ESRRG: variants seen among roughly 807,000 people sequenced by gnomAD.
ESRRG encodes the protein estrogen related receptor gamma.
A neutral mutation model predicts 44.0 loss-of-function variants in ESRRG; 13 were observed. The observed-to-expected ratio is 0.30, with a 90% CI of 0.19 to 0.47. The LOEUF (loss-of-function observed/expected upper bound fraction) is 0.47, where lower values mean the gene tolerates loss of function less well. ESRRG is among the 20% of genes least tolerant of loss of function. The pLI, the probability that ESRRG is intolerant of heterozygous loss-of-function variation, is 1.00. For missense variants in ESRRG, 395 were observed against 580.6 expected, an observed-to-expected ratio of 0.68 and a Z score of 3.29; for synonymous variants, 215 against 214.6, an observed-to-expected ratio of 1.00 and a Z score of -0.02.
intron 3 of ESRRG, among the ~76,000 whole-genome samples, chr1:216,602,416 T>A (rs1046838798): frequency 3.3e-5 from 5 of 152,190 alleles, no homozygotes; most frequent in African/African-American, 1.2e-4. Context: ...ATACCAAGTA[T>A]AATCTGTTTC....
At chr1:216,961,360 C>A (rs550674291) in intron 1 of ESRRG, among the ~76,000 whole-genome samples, 1 of 152,048 alleles carries the variant, frequency 6.6e-6, no homozygotes, top group East Asian at 1.9e-4. Context: ...TTTGCCAGTG[C>A]AAAAATTACC....
intron 6 of ESRRG, among the ~76,000 whole-genome samples, chr1:216,510,712 C>T (rs891069804): frequency 1.6e-4 from 24 of 152,074 alleles, no homozygotes; most frequent in African/African-American, 5.8e-4. Context: ...CGTGAAACCC[C>T]GTCTCTACTA....
At chr1:216,721,060 T>G (rs10779278) in intron 1 of ESRRG, among the ~76,000 whole-genome samples, 29,866 of 152,232 alleles carry the variant, frequency 0.2, 3,842 homozygotes, top group Middle Eastern at 0.28. Flanking sequence ...AGATATATTA[T>G]TTTCATCTAT....
At chr1:216,736,889 T>A (rs964297057) in intron 2 of ESRRG, among the ~76,000 whole-genome samples, 1 of 152,176 alleles carries the variant, frequency 6.6e-6, no homozygotes, top group Non-Finnish European at 1.5e-5. Context: ...ATAGACCTGT[T>A]TCCCTCTAAA....
intron 3 of ESRRG, among the ~76,000 whole-genome samples, chr1:216,584,985 C>T (rs1156996752): frequency 6.6e-6 from 1 of 152,072 alleles, no homozygotes; most frequent in Non-Finnish European, 1.5e-5. Context: ...TCATTGCTAA[C>T]AAGAATGAAA....
intron 1 of ESRRG, among the ~76,000 whole-genome samples, chr1:216,721,939 C>T (rs2086409239): frequency 6.6e-6 from 1 of 152,130 alleles, no homozygotes; most frequent in Non-Finnish European, 1.5e-5. Context: ...CTCCTAAATC[C>T]ATCTCTTGGC....
At chr1:216,600,381 G>C (rs184096873) in intron 3 of ESRRG, among the ~76,000 whole-genome samples, 2 of 152,236 alleles carry the variant, frequency 1.3e-5, no homozygotes, top group Admixed American at 1.3e-4. Context: ...TTCATCGATT[G>C]TTAACAAATG....
Position 217,055,417 on chromosome 1 carries a change from C to T in ESRRG, c.-106+34090G>A, listed in dbSNP as rs985698718. 1.3e-4 allele frequency among the ~76,000 whole-genome samples: 20 copies of T among 152,138 alleles called. No individual in the cohort carries two copies. In the Middle Eastern group the frequency reaches 0.01, roughly 78 times the overall value. On this transcript the variant is annotated intron_variant, in intron 1 of 7. Transcript: ENST00000359162. ...AACAGTCCAGTGGCAGTGAGCTGCACAAGATATTCACTTTCCTACAGTCCA... is the reference window on the plus strand; with the variant it reads ...AACAGTCCAGTGGCAGTGAGCTGCATAAGATATTCACTTTCCTACAGTCCA...
intron 2 of ESRRG, among the ~76,000 whole-genome samples, chr1:216,869,142 T>C (rs943558114): frequency 3.3e-5 from 5 of 152,198 alleles, no homozygotes; most frequent in Non-Finnish European, 5.9e-5. Context: ...TGCCTAACCC[T>C]AGATAATGAT....
chr1:216,645,799 G>A, intron 3 of ESRRG, among the ~76,000 whole-genome samples: 1 of 146,332 alleles, frequency 6.8e-6, no homozygotes, highest in Non-Finnish European at 1.5e-5. Context: ...TTGAGCTCCA[G>A]AGGTCAAGGC....
chr1:216,604,467 A>T (rs1308867634), intron 3 of ESRRG, among the ~76,000 whole-genome samples: 1 of 152,160 alleles, frequency 6.6e-6, no homozygotes, highest in Non-Finnish European at 1.5e-5. Context: ...ACTGTCAGGA[A>T]CAAGTTAATA....
At chr1:216,664,626 A>G (rs1169706726) in intron 2 of ESRRG, among the ~76,000 whole-genome samples, 1 of 150,506 alleles carries the variant, frequency 6.6e-6, no homozygotes, top group African/African-American at 2.4e-5. Context: ...AATTTGGCAT[A>G]TCTATAAAAT....
At chr1:216,787,475 C>G (rs575041757) in intron 2 of ESRRG, among the ~76,000 whole-genome samples, 1 of 151,750 alleles carries the variant, frequency 6.6e-6, no homozygotes, top group East Asian at 2.0e-4. Context: ...TGGTGGCACA[C>G]ACCTGTAGTC....
At chr1:216,829,717 C>T (rs990979191) in intron 2 of ESRRG, among the ~76,000 whole-genome samples, 1 of 152,022 alleles carries the variant, frequency 6.6e-6, no homozygotes, top group Non-Finnish European at 1.5e-5. Flanking sequence ...CCATGCCCAC[C>T]TAATTTTTGT....
At chr1:217,132,725 C>G (rs1007063819) in intron 1 of ESRRG, among the ~76,000 whole-genome samples, 1 of 152,016 alleles carries the variant, frequency 6.6e-6, no homozygotes, top group Non-Finnish European at 1.5e-5. Flanking sequence ...GTTGCTTCTT[C>G]TTGGGGGTTA....
chr1:217,109,863 C>T (rs1393789785), intron 1 of ESRRG, among the ~76,000 whole-genome samples: 2 of 152,202 alleles, frequency 1.3e-5, no homozygotes, highest in South Asian at 2.1e-4. Flanking sequence ...TCATATTTAG[C>T]TCTGGTGTTA....
chr1:216,874,757 C>A (rs982818950), intron 2 of ESRRG, among the ~76,000 whole-genome samples: 1 of 152,176 alleles, frequency 6.6e-6, no homozygotes, highest in South Asian at 2.1e-4. Flanking sequence ...GAGAGGTGGA[C>A]CCACCCTCAA....
At chr1:216,582,435 C>A (rs1312515311) in intron 3 of ESRRG, among the ~76,000 whole-genome samples, 3 of 152,024 alleles carry the variant, frequency 2.0e-5, no homozygotes, top group Admixed American at 2.0e-4. Context: ...TTGGAAACTG[C>A]AAGTCAATTC....
At chr1:216,888,726 A>G (rs140948753) in intron 2 of ESRRG, among the ~76,000 whole-genome samples, 1 of 152,272 alleles carries the variant, frequency 6.6e-6, no homozygotes, top group East Asian at 1.9e-4. Flanking sequence ...CCCCAATGCC[A>G]AATGAGTGTG....
Sources: allele counts gnomAD v4.1 joint callset (sites outside exome capture counted in the v4.1 genomes callset), GRCh38; gene constraint gnomAD v4.1.1; transcripts MANE v1.5; gene names NCBI Gene and HGNC (gene_info 2026-07-23, HGNC 2026-07-21).